Variants in SYNDIG1 observed in about 807,000 individuals in gnomAD.
SYNDIG1 encodes synapse differentiation-inducing gene protein 1.
In SYNDIG1, 9 loss-of-function variants were observed where a neutral mutation model predicts 19.4. That is an observed-to-expected ratio of 0.46 (90% CI 0.28 to 0.81). The LOEUF is 0.81. Ranked by LOEUF, SYNDIG1 falls within the 30% of genes least tolerant of loss-of-function variation. The probability of loss-of-function intolerance (pLI) is 0.12; values close to 1 mark genes in which losing one functional copy is unlikely to be tolerated. For missense variants in SYNDIG1, 311 were observed against 343.3 expected, an observed-to-expected ratio of 0.91 and a Z score of 0.74; for synonymous variants, 141 against 145.9, an observed-to-expected ratio of 0.97 and a Z score of 0.24.
intron 2 of SYNDIG1, among the ~76,000 whole-genome samples, chr20:24,545,525 T>C (rs2057559035): frequency 6.6e-6 from 1 of 152,038 alleles, no homozygotes; most frequent in African/African-American, 2.4e-5. Context: ...CCCCATCAGC[T>C]CTGAAGAGGG....
At chr20:24,625,831 C>T (rs1188658285) in intron 3 of SYNDIG1, among the ~76,000 whole-genome samples, 1 of 152,282 alleles carries the variant, frequency 6.6e-6, no homozygotes, top group African/African-American at 2.4e-5. Context: ...TTTTCTATTC[C>T]ACAAAACCGC....
chr20:24,661,477 A>G (rs1173506952), intron 3 of SYNDIG1, among the ~76,000 whole-genome samples: 109 of 56,852 alleles, frequency 1.9e-3, no homozygotes, highest in Non-Finnish European at 2.4e-3. Flanking sequence ...GAGGGAGGGA[A>G]GAGGGAGGAA....
intron 1 of SYNDIG1, among the ~76,000 whole-genome samples, chr20:24,515,270 A>G (rs964508245): frequency 6.6e-6 from 1 of 152,242 alleles, no homozygotes; most frequent in Non-Finnish European, 1.5e-5. Flanking sequence ...AGAAATAACT[A>G]AGATCAGAGA....
chr20:24,551,927 G>A (rs2057713329), intron 2 of SYNDIG1, among the ~76,000 whole-genome samples: 2 of 152,172 alleles, frequency 1.3e-5, no homozygotes, highest in South Asian at 4.1e-4. Context: ...TATGCCATGT[G>A]AACAAGGAAA....
intron 1 of SYNDIG1, among the ~76,000 whole-genome samples, chr20:24,475,758 A>C (rs1001968316): frequency 6.6e-6 from 1 of 152,074 alleles, no homozygotes; most frequent in Non-Finnish European, 1.5e-5. Context: ...CCTGTGTACG[A>C]TTCTGGCTTT....
At chr20:24,591,403 A>G (rs1600700828) in intron 3 of SYNDIG1, among the ~76,000 whole-genome samples, 1 of 151,924 alleles carries the variant, frequency 6.6e-6, no homozygotes, top group Non-Finnish European at 1.5e-5. Flanking sequence ...TTAAATATAC[A>G]TATGGAAGTG....
intron 1 of SYNDIG1, among the ~76,000 whole-genome samples, chr20:24,486,951 G>A (rs761974641): frequency 4.7e-4 from 72 of 152,206 alleles, no homozygotes; most frequent in Non-Finnish European, 7.5e-4. Context: ...GCCGCCGTGC[G>A]CAGCCGAGAG....
At chr20:24,625,996 G>GC (rs1299912504) in intron 3 of SYNDIG1, among the ~76,000 whole-genome samples, 3 of 144,046 alleles carry the variant, frequency 2.1e-5, no homozygotes, top group South Asian at 2.3e-4. Context: ...CGGGGGGCTG[G>GC]CCCCCCCACC....
chr20:24,612,479 G>A (rs775711149), intron 3 of SYNDIG1, among the ~76,000 whole-genome samples: 27 of 152,320 alleles, frequency 1.8e-4, no homozygotes, highest in South Asian at 2.1e-4. Context: ...ATCCCAAGCC[G>A]TAAGACTAAA....
At chr20:24,561,302 C>T (rs2057940992) in intron 2 of SYNDIG1, among the ~76,000 whole-genome samples, 2 of 152,166 alleles carry the variant, frequency 1.3e-5, no homozygotes, top group South Asian at 4.1e-4. Context: ...CCAAGCCCTG[C>T]TATGCTTCCC....
chr20:24,644,855 T>G (rs1269560677), intron 3 of SYNDIG1, among the ~76,000 whole-genome samples: 1 of 152,172 alleles, frequency 6.6e-6, no homozygotes, highest in African/African-American at 2.4e-5. Flanking sequence ...ACCAGAACAC[T>G]CACTACTGTG....
At chr20:24,629,795 C>T (rs965345209) in intron 3 of SYNDIG1, among the ~76,000 whole-genome samples, 3 of 152,208 alleles carry the variant, frequency 2.0e-5, no homozygotes, top group African/African-American at 7.2e-5. Context: ...AATCATTTTG[C>T]AGCACCATTG....
At chr20:24,649,399 C>G (rs1206173596) in intron 3 of SYNDIG1, among the ~76,000 whole-genome samples, 1 of 152,186 alleles carries the variant, frequency 6.6e-6, no homozygotes, top group Non-Finnish European at 1.5e-5. Flanking sequence ...TAGCAACGAT[C>G]TTTGTGTTTT....
intron 2 of SYNDIG1, among the ~76,000 whole-genome samples, chr20:24,555,993 A>C (rs1449406125): frequency 6.6e-6 from 1 of 152,140 alleles, no homozygotes; most frequent in African/African-American, 2.4e-5. Context: ...GTGCTCCTCT[A>C]TTGGGTGCAT....
At position 24,531,919 on chromosome 20, in the gene SYNDIG1, A is replaced by G. The variant is rs112577303; in HGVS notation, c.-78-11101A>G. Among the ~76,000 whole-genome samples the G allele has an allele frequency of 1.3e-3, 194 of 152,344 alleles. 3 individuals are homozygous for G. Among genetic ancestry groups the G allele is most frequent in the African/African-American group, 4.1e-3 (169 of 41,578 alleles). ...TGAGTTTTTCTATCTCACAGTGAGT[A>G]AGCAGGCCCAGCCTGCAGCATTTTC... On this transcript the variant is annotated intron_variant, in intron 1 of 3. Coordinates refer to ENST00000376862, the MANE Select transcript of SYNDIG1 (RefSeq NM_024893.3).
chr20:24,488,826 G>T (rs1219771360), intron 1 of SYNDIG1, among the ~76,000 whole-genome samples: 2 of 152,210 alleles, frequency 1.3e-5, no homozygotes, highest in African/African-American at 4.8e-5. Context: ...AGTATCTGCT[G>T]ATGTCTTTAA....
rs1163691081 is a variant in SYNDIG1, at chr20:24,469,736, G to A, written c.-96G>A. 2 of 151,820 alleles carry A rather than the reference G, an allele frequency of 1.3e-5. No homozygotes were observed. The highest frequency in any genetic ancestry group is 1.3e-4 in the Admixed American group (2 of 15,226). The allele number at this position is 151,820 out of a possible 1,614,324, so 9.4% of individuals were successfully genotyped here. On this transcript the variant is annotated 5_prime_UTR_variant, in exon 1 of 4. Transcript: ENST00000376862. ...GGCGGCCGCTTGGGCGCACTTGCCG[G>A]GTCACCTTGTCCCGGAGGTAAGTCC...
At chr20:24,565,652 T>C (rs538343229) in intron 2 of SYNDIG1, among the ~76,000 whole-genome samples, 3 of 152,338 alleles carry the variant, frequency 2.0e-5, no homozygotes, top group South Asian at 4.1e-4. Flanking sequence ...AATGCTTTGC[T>C]TTAGCCGTTT....
intron 1 of SYNDIG1, among the ~76,000 whole-genome samples, chr20:24,537,891 A>G (rs1023875136): frequency 2.0e-5 from 3 of 151,902 alleles, no homozygotes; most frequent in African/African-American, 4.8e-5. Flanking sequence ...GAGGAATTCC[A>G]GATGAGAATT....
Sources: allele counts gnomAD v4.1 joint callset (sites outside exome capture counted in the v4.1 genomes callset), GRCh38; gene constraint gnomAD v4.1.1; transcripts MANE v1.5; gene names NCBI Gene and HGNC (gene_info 2026-07-23, HGNC 2026-07-21).